The following PCDH15 variants were observed in gnomAD, a reference collection of about 807,000 sequenced individuals.
PCDH15 encodes the protein protocadherin-15.
In PCDH15, 129 loss-of-function variants were observed where a neutral mutation model predicts 178.5. That is an observed-to-expected ratio of 0.72 (90% CI 0.63 to 0.84). PCDH15 has a LOEUF of 0.84. Among genes scored for constraint, PCDH15 ranks in the 40% least tolerant of loss-of-function variants. The probability of loss-of-function intolerance (pLI) is 0.00; values close to 1 mark genes in which losing one functional copy is unlikely to be tolerated. For missense variants in PCDH15, 2,230 were observed against 2,099.9 expected, an observed-to-expected ratio of 1.06 and a Z score of -1.21; for synonymous variants, 800 against 732.0, an observed-to-expected ratio of 1.09 and a Z score of -1.50.
Position 54,332,304 on chromosome 10 carries a change from T to C in PCDH15, c.595-2598A>G, listed in dbSNP as rs867366769. Among the ~76,000 whole-genome samples, 8 of 124,362 alleles carry C rather than the reference T, an allele frequency of 6.4e-5. No homozygotes were observed. In the East Asian group the frequency reaches 1.6e-3, roughly 25 times the overall value. The allele number at this position is 124,362 out of a possible 152,430, so 81.6% of individuals were successfully genotyped here. On this transcript the variant is annotated intron_variant, in intron 6 of 37. Transcript: ENST00000644397. ...ATAATATAATCTATATTACATATTA[T>C]TATATATAATATAATATAATCTATA...
At chr10:54,391,551 T>C (rs1023928348) in intron 3 of PCDH15, among the ~76,000 whole-genome samples, 7 of 150,272 alleles carry the variant, frequency 4.7e-5, no homozygotes, top group African/African-American at 1.7e-4. Flanking sequence ...TGTCATACAC[T>C]GACAAACAAG....
intron 1 of PCDH15, among the ~76,000 whole-genome samples, chr10:55,264,123 T>A (rs1056871409): frequency 1.3e-5 from 2 of 152,106 alleles, no homozygotes; most frequent in Admixed American, 6.5e-5. Flanking sequence ...TGCTGGCTGA[T>A]AACTGCAAAT....
In PCDH15 at chr10:54,611,274, T is replaced by C. The variant is rs1638919822; in HGVS notation, c.91+52898A>G. Among the ~76,000 whole-genome samples the C allele has an allele frequency of 2.0e-5, 3 of 151,968 alleles. No homozygotes were observed. The South Asian group carries it at 6.2e-4, about 32-fold the overall frequency. ...CAAAGATATGTATCAGTAATATTGA[T>C]GTTTTTATTTTTTTAAAAAAAACCT... On this transcript the variant is annotated intron_variant, in intron 2 of 37. Coordinates refer to ENST00000644397, the MANE Select transcript of PCDH15 (RefSeq NM_001384140.1).
intron 2 of PCDH15, among the ~76,000 whole-genome samples, chr10:55,490,525 T>C (rs1331114932): frequency 1.3e-5 from 2 of 151,830 alleles, no homozygotes; most frequent in Admixed American, 6.6e-5. Context: ...ATTGAATATA[T>C]GCGGATTGTC....
chr10:53,989,782 T>A (rs1232635448), intron 21 of PCDH15, among the ~76,000 whole-genome samples: 1 of 152,136 alleles, frequency 6.6e-6, no homozygotes. Context: ...TCTGCTACAT[T>A]GTTAGCAATA....
chr10:53,967,450 T>C (rs182334070), intron 21 of PCDH15, among the ~76,000 whole-genome samples: 1 of 152,170 alleles, frequency 6.6e-6, no homozygotes, highest in Admixed American at 6.5e-5. Flanking sequence ...TTTTAATTAT[T>C]TGTAGAGATA....
At chr10:55,452,710 C>T (rs1448737461) in intron 2 of PCDH15, among the ~76,000 whole-genome samples, 1 of 152,078 alleles carries the variant, frequency 6.6e-6, no homozygotes, top group East Asian at 1.9e-4. Context: ...ACAAACCCCC[C>T]AGAAACAAAT....
intron 1 of PCDH15, among the ~76,000 whole-genome samples, chr10:54,738,348 T>A (rs774850122): frequency 6.6e-6 from 1 of 152,086 alleles, no homozygotes; most frequent in African/African-American, 2.4e-5. Context: ...AAAAGACACA[T>A]CTAGCATAAT....
rs1176297041 is a variant in PCDH15 at position 55,384,302 on chromosome 10, AT to A, written c.-155-217652del. On this transcript the variant is annotated intron_variant, in intron 2 of 5. Coordinates refer to the PCDH15 transcript ENST00000613346. ...AACATGTGGATACCCAAAATGTCAT[AT>A]TACCATTGTGTATTTTGGTAAATCA... 2.6e-5 allele frequency among the ~76,000 whole-genome samples: 4 copies of A among 152,302 alleles called. No individual in the cohort carries two copies. In the East Asian group the frequency reaches 7.7e-4, roughly 29 times the overall value.
At chr10:55,538,590 CTTCCTTCCTTCCT>C (rs1347230864) in intron 2 of PCDH15, among the ~76,000 whole-genome samples, 1 of 96,978 alleles carries the variant, frequency 1.0e-5, no homozygotes, top group Non-Finnish European at 2.0e-5. Context: ...TCCTTCCTTC[CTTCCTTCCTTCCT>C]TTCCTTCCTT....
chr10:53,809,519 T>G, intron 37 of PCDH15: 1 of 1,606,778 alleles, frequency 6.2e-7, no homozygotes, highest in African/African-American at 1.3e-5. Context: ...ATTTCAACCT[T>G]TGGTTTTTTA....
chr10:54,393,488 A>G (rs1472866096), intron 3 of PCDH15, among the ~76,000 whole-genome samples: 1 of 152,232 alleles, frequency 6.6e-6, no homozygotes, highest in African/African-American at 2.4e-5. Context: ...AATGGAATAT[A>G]GAACACAAGT....
chr10:55,553,155 T>C (rs1183889955), intron 2 of PCDH15, among the ~76,000 whole-genome samples: 6 of 151,474 alleles, frequency 4.0e-5, no homozygotes. Flanking sequence ...TAAGTGATGG[T>C]TAGATTCTTT....
chr10:53,946,131 A>C (rs1230465311), intron 23 of PCDH15, among the ~76,000 whole-genome samples: 2 of 152,126 alleles, frequency 1.3e-5, no homozygotes, highest in African/African-American at 4.8e-5. Context: ...ATGAGATATC[A>C]CCTCACATCT....
chr10:55,520,341 T>TATATATACACGCAATGTGTATATATATAC (rs1841144135), intron 2 of PCDH15, among the ~76,000 whole-genome samples: 1 of 128,378 alleles, frequency 7.8e-6, no homozygotes, highest in African/African-American at 2.7e-5. Context: ...TATATATATA[T>TATATATACACGCAATGTGTATATATATAC]ATATATATAC....
At chr10:54,934,507 T>C (rs1837856997) in intron 2 of PCDH15, among the ~76,000 whole-genome samples, 1 of 151,946 alleles carries the variant, frequency 6.6e-6, no homozygotes, top group Non-Finnish European at 1.5e-5. Flanking sequence ...ATCAGAGAAA[T>C]GCAAATCAAA....
chr10:54,866,536 C>G (rs1336011287), intron 3 of PCDH15, among the ~76,000 whole-genome samples: 1 of 152,130 alleles, frequency 6.6e-6, no homozygotes, highest in Admixed American at 6.5e-5. Context: ...TTCTAATTAT[C>G]AATGATACAG....
intron 2 of PCDH15, among the ~76,000 whole-genome samples, chr10:54,914,595 C>A (rs534961814): frequency 2.8e-4 from 43 of 152,208 alleles, no homozygotes; most frequent in South Asian, 8.3e-4. Flanking sequence ...TTTAATCTTG[C>A]GCCTTAGTTT....
chr10:54,056,101 G>C (rs1426493021), intron 18 of PCDH15, among the ~76,000 whole-genome samples: 1 of 152,090 alleles, frequency 6.6e-6, no homozygotes, highest in Non-Finnish European at 1.5e-5. Flanking sequence ...CCATTGTTGG[G>C]ATTATGCCAT....
Sources: gnomAD v4.1 joint callset for allele counts (sites outside exome capture counted in the v4.1 genomes callset) on GRCh38, gnomAD v4.1.1 for gene constraint, MANE v1.5 for transcripts, NCBI Gene and HGNC (gene_info 2026-07-23, HGNC 2026-07-21) for gene names.